The following UTS2B variants were observed in gnomAD, a reference collection of about 807,000 sequenced individuals.
UTS2B encodes the protein urotensin 2B.
Under a neutral mutation model 19.2 loss-of-function variants are expected in UTS2B, and 21 were observed. That is an observed-to-expected ratio of 1.09 (90% CI 0.78 to 1.58). The LOEUF is 1.58. UTS2B is among the 40% of genes most tolerant of loss of function. The probability of loss-of-function intolerance (pLI) is 0.00; values close to 1 mark genes in which losing one functional copy is unlikely to be tolerated. For missense variants in UTS2B, 138 were observed against 130.3 expected (o/e 1.06, Z -0.29); for synonymous variants, 57 against 50.2 (o/e 1.14, Z -0.58).
At chr3:191,330,113 T>A (rs1389295772) in intron 1 of UTS2B, among the ~76,000 whole-genome samples, 1 of 152,162 alleles carries the variant, frequency 6.6e-6, no homozygotes, top group Non-Finnish European at 1.5e-5. Context: ...GGAGAGGGGT[T>A]GACATTCAGT....
intron 4 of UTS2B, among the ~76,000 whole-genome samples, chr3:191,292,479 T>G (rs1271936675): frequency 6.6e-6 from 1 of 152,340 alleles, no homozygotes; most frequent in African/African-American, 2.4e-5. Flanking sequence ...TTTTGTATAA[T>G]TGATTTTTGC....
intron 7 of UTS2B, among the ~76,000 whole-genome samples, chr3:191,275,617 C>T (rs1450664707): frequency 1.3e-5 from 2 of 151,734 alleles, no homozygotes; most frequent in Non-Finnish European, 2.9e-5. Context: ...GAGGTGGAGA[C>T]TGCAGTGAGC....
chr3:191,328,254 T>C (rs1170063091), intron 2 of UTS2B: 3 of 152,172 alleles, frequency 2.0e-5, no homozygotes, highest in Non-Finnish European at 4.4e-5. Context: ...AAATCAACTA[T>C]TACTAGCTTA....
At chr3:191,281,981 T>G (rs748722659) in intron 5 of UTS2B, 106 bp downstream of exon 5, 1 of 802,014 alleles carries the variant, frequency 1.2e-6, no homozygotes, top group Non-Finnish European at 2.1e-6. Context: ...ATAATATTTA[T>G]TCCTTAAAAC....
upstream of UTS2B, among the ~76,000 whole-genome samples, chr3:191,332,226 A>T (rs145599324): frequency 6.6e-6 from 1 of 152,194 alleles, no homozygotes; most frequent in Non-Finnish European, 1.5e-5. Flanking sequence ...CTAGGTTGAA[A>T]TCTAATGCTT....
At position 191,320,968 on chromosome 3, in the gene UTS2B, A is replaced by G. The variant is rs533560730; in HGVS notation, c.-585-4529T>C. On this transcript the variant is annotated intron_variant, in intron 2 of 8. Transcript: ENST00000340524. ...AGTATTAAGAGGCAGGGCCTATAAG[A>G]GATGATTAGGTCTAAAGGGCTTCTC... Among the ~76,000 whole-genome samples, 30 of 152,352 alleles carry G rather than the reference A, an allele frequency of 2.0e-4. No homozygotes were observed. The South Asian group carries it at 3.9e-3, about 20-fold the overall frequency.
chr3:191,321,829 C>A (rs1386569145), intron 2 of UTS2B, among the ~76,000 whole-genome samples: 1 of 152,156 alleles, frequency 6.6e-6, no homozygotes, highest in African/African-American at 2.4e-5. Context: ...GAGTTGAAGA[C>A]CAGCCTGGCC....
At chr3:191,282,420 C>A in intron 4 of UTS2B, 107 bp from the exon 5 acceptor site, 1 of 426,922 alleles carries the variant, frequency 2.3e-6, no homozygotes, top group South Asian at 4.1e-5. Flanking sequence ...GTTATGGAGT[C>A]AATGGCAGGA....
chr3:191,302,068 GCAGGTCA>G (rs1431084751), intron 4 of UTS2B, among the ~76,000 whole-genome samples: 3 of 152,208 alleles, frequency 2.0e-5, no homozygotes, highest in Admixed American at 6.5e-5. Context: ...AGCACAAGAT[GCAGGTCA>G]TGCAGACACT....
chr3:191,268,438 C>G lies in UTS2B; in HGVS notation c.338G>C (p.Cys113Ser). ...GCTTTAAACACAGTATTTCCAAAAG[C>G]AAGCTAAAGAAGAAAACAAAATACA... ...LFSSHPSKRA[C>S]FWKYCV Residue 113 changes from cysteine (C) to serine (S), a missense_variant, in exon 9 of 9, where the codon TGC becomes TCC. Cys to Ser is a moderately radical substitution (Grantham distance 112). Coordinates refer to ENST00000340524, the MANE Select transcript of UTS2B (RefSeq NM_198152.5). The G allele has an allele frequency of 6.4e-7, 1 of 1,560,002 alleles. No homozygotes were observed. The highest frequency in any genetic ancestry group is 8.8e-7 in the Non-Finnish European group (1 of 1,141,838).
upstream of UTS2B, among the ~76,000 whole-genome samples, chr3:191,333,115 T>C (rs761995137): frequency 6.6e-6 from 1 of 152,222 alleles, no homozygotes; most frequent in Non-Finnish European, 1.5e-5. Context: ...TCTGTGTGTG[T>C]TGGTGTGCAT....
intron 4 of UTS2B, among the ~76,000 whole-genome samples, chr3:191,301,188 C>T (rs1328387630): frequency 6.6e-6 from 1 of 152,142 alleles, no homozygotes; most frequent in Non-Finnish European, 1.5e-5. Flanking sequence ...CAAGAATTTG[C>T]ATAAGCTTTA....
chr3:191,330,947 A>C (rs3796221), upstream of UTS2B, among the ~76,000 whole-genome samples: 13,662 of 152,200 alleles, frequency 0.09, 755 homozygotes, highest in East Asian at 0.26. Flanking sequence ...TTTAGCGTTA[A>C]TACTTTTCTA....
In UTS2B at chr3:191,275,271, A is replaced by G. The variant is rs761414788; in HGVS notation, c.315T>C (p.Ser105=). 6.2e-7 allele frequency: 1 copy of G among 1,611,840 alleles called. No homozygotes were observed. Among genetic ancestry groups the G allele is most frequent in the Admixed American group, 1.7e-5 (1 of 59,926 alleles). The change falls in exon 8 of 9, where the codon TCT becomes TCC. Residue 105 remains serine (S), a synonymous_variant. Coordinates refer to ENST00000340524, the MANE Select transcript of UTS2B (RefSeq NM_198152.5). The part of the protein sequence containing the change: ...ETSYAVDGLF[S]SHPSKRACFW... ...GCTTACCTCGTTTGCTAGGATGAGA[A>G]GAGAATAGACCATCTACAGCATAGG...
intron 4 of UTS2B, among the ~76,000 whole-genome samples, chr3:191,290,542 C>CTT (rs1393222981): frequency 1.3e-5 from 2 of 152,180 alleles, no homozygotes; most frequent in Non-Finnish European, 2.9e-5. Context: ...GAGCTACATG[C>CTT]TTAACCCACA....
chr3:191,313,979 C>T (rs1169059179), intron 3 of UTS2B, among the ~76,000 whole-genome samples: 2 of 152,244 alleles, frequency 1.3e-5, no homozygotes, highest in African/African-American at 4.8e-5. Flanking sequence ...GATCCACCCA[C>T]CTCGACCTCC....
At chr3:191,307,283 C>T (rs574083390) in intron 3 of UTS2B, among the ~76,000 whole-genome samples, 1 of 152,084 alleles carries the variant, frequency 6.6e-6, no homozygotes, top group African/African-American at 2.4e-5. Flanking sequence ...GACCCAGACT[C>T]AATCCGTCTA....
intron 4 of UTS2B, chr3:191,294,642 A>G (rs1358500839): frequency 1.3e-5 from 2 of 151,628 alleles, no homozygotes; most frequent in East Asian, 1.9e-4. Flanking sequence ...TATTCTTCCA[A>G]TCTTCTCAGG....
At chr3:191,342,166 A>G in the UTS2B span, among the ~76,000 whole-genome samples, 1 of 152,146 alleles carries the variant, frequency 6.6e-6, no homozygotes, top group African/African-American at 2.4e-5. Flanking sequence ...CTAACTTTTG[A>G]TTTCCGTAAT....
Sources: allele counts gnomAD v4.1 joint callset (sites outside exome capture counted in the v4.1 genomes callset), GRCh38; gene constraint gnomAD v4.1.1; transcripts MANE v1.5; gene names NCBI Gene and HGNC (gene_info 2026-07-23, HGNC 2026-07-21).